MAGI2: variants seen among roughly 807,000 people sequenced by gnomAD.
The protein encoded by MAGI2 is membrane associated guanylate kinase, WW and PDZ domain containing 2.
Under a neutral mutation model 133.3 loss-of-function variants are expected in MAGI2, and 35 were observed. The ratio of observed to expected loss-of-function variants is 0.26; its 90% CI spans 0.20 to 0.35. The LOEUF (loss-of-function observed/expected upper bound fraction) is 0.35. Among genes scored for constraint, MAGI2 ranks in the 10% least tolerant of loss-of-function variants. The pLI is 1.00. For missense variants in MAGI2, 1,636 were observed against 1,863.4 expected (o/e 0.88, Z 2.25); for synonymous variants, 729 against 710.6 (o/e 1.03, Z -0.41).
chr7:79,116,034 G>A (rs115706456), intron 1 of MAGI2, among the ~76,000 whole-genome samples: 52 of 152,016 alleles, frequency 3.4e-4, no homozygotes, highest in African/African-American at 1.2e-3. Flanking sequence ...ACTCAGCAGC[G>A]AGGCAGACAA....
intron 1 of MAGI2, among the ~76,000 whole-genome samples, chr7:79,358,991 A>G (rs929712195): frequency 6.6e-6 from 1 of 152,232 alleles, no homozygotes; most frequent in African/African-American, 2.4e-5. Flanking sequence ...AAAATTTCAC[A>G]CCTTGAATGA....
chr7:79,187,679 C>G (rs1188078309), intron 1 of MAGI2, among the ~76,000 whole-genome samples: 2 of 151,702 alleles, frequency 1.3e-5, no homozygotes, highest in Non-Finnish European at 2.9e-5. Flanking sequence ...CTCAATTTTA[C>G]TAAAAATTTT....
Position 79,219,670 on chromosome 7 carries a change from A to C in MAGI2, c.302-212464T>G, listed in dbSNP as rs1187660796. ...GACAAATGAATGAGACATATATTGAAGCTGTTTTGTGCTCATTTTTAGAAT... is the reference window on the plus strand; with the variant it reads ...GACAAATGAATGAGACATATATTGACGCTGTTTTGTGCTCATTTTTAGAAT... On this transcript the variant is annotated intron_variant, in intron 1 of 21. Transcript: ENST00000354212. Among the ~76,000 whole-genome samples the C allele has an allele frequency of 2.0e-5, 3 of 152,058 alleles. 1 individual carries two copies. Among genetic ancestry groups the C allele is most frequent in the African/African-American group, 7.3e-5 (3 of 41,318 alleles).
At chr7:78,649,222 T>TAAAA (rs1361378575) in intron 2 of MAGI2, among the ~76,000 whole-genome samples, 13,926 of 45,830 alleles carry the variant, frequency 0.3, 2,482 homozygotes, top group East Asian at 0.68. Flanking sequence ...TGACTTGTGG[T>TAAAA]AAAAAAAAAA....
chr7:78,795,144 T>A (rs965568096), intron 2 of MAGI2, among the ~76,000 whole-genome samples: 2 of 152,064 alleles, frequency 1.3e-5, no homozygotes, highest in African/African-American at 4.8e-5. Context: ...TTTGCAATGA[T>A]CTTATATTGC....
intron 6 of MAGI2, chr7:78,486,869 C>A (rs7779732): frequency 0.66 from 331,825 of 500,012 alleles, 113,162 homozygotes; most frequent in South Asian, 0.83. Flanking sequence ...AGAGGTGGCA[C>A]AATTGCCTGA....
Position 78,521,467 on chromosome 7 carries a change from C to A in MAGI2, c.717G>T (p.Arg239Ser). 2 of 1,613,936 alleles carry A rather than the reference C, an allele frequency of 1.2e-6. No homozygotes were observed. The highest frequency in any genetic ancestry group is 1.7e-6 in the Non-Finnish European group (2 of 1,179,912). ...CTACTCCATTTCCATTGACCACAGGCCTCTCTTCCTCTTCCTCCTCAGGAG... is the reference window on the plus strand; with the variant it reads ...CTACTCCATTTCCATTGACCACAGGACTCTCTTCCTCTTCCTCCTCAGGAG... ...IEPPEEEEEE[R>S]PVVNGNGVVV... The change falls in exon 4 of 22, where the codon AGG becomes AGT. Residue 239 changes from arginine (R) to serine (S), a missense_variant. Coordinates refer to ENST00000354212, the MANE Select transcript of MAGI2 (RefSeq NM_012301.4).
intron 2 of MAGI2, among the ~76,000 whole-genome samples, chr7:78,832,304 C>G (rs1001093980): frequency 6.6e-5 from 10 of 151,328 alleles, no homozygotes; most frequent in Admixed American, 5.3e-4. Flanking sequence ...ATTTTGTATT[C>G]AACTAATATT....
rs4020436 is a variant in MAGI2 at position 79,306,261 on chromosome 7, T to A, written c.301+146759A>T. Among the ~76,000 whole-genome samples, 4 of 146,754 alleles carry A rather than the reference T, an allele frequency of 2.7e-5. No homozygotes were observed. The East Asian group carries it at 5.9e-4, about 22-fold the overall frequency. The stretch of plus-strand genomic sequence containing the variant: ...ATGTATATGTATATTTTATTTATAT[T>A]TATATATATTTTATTTATATGTATA... On this transcript the variant is annotated intron_variant, in intron 1 of 21. Transcript: ENST00000354212.
chr7:78,765,441 C>T (rs940813544), intron 2 of MAGI2, among the ~76,000 whole-genome samples: 6 of 147,080 alleles, frequency 4.1e-5, no homozygotes, highest in East Asian at 2.1e-4. Context: ...CTCTGCCTCC[C>T]GGGTTCAAGC....
At chr7:78,523,001 A>G (rs914934264) in intron 3 of MAGI2, among the ~76,000 whole-genome samples, 4 of 152,162 alleles carry the variant, frequency 2.6e-5, no homozygotes, top group African/African-American at 7.2e-5. Context: ...GAAAAGCATT[A>G]TAACAGGAAA....
At chr7:78,529,737 G>C (rs1465743773) in intron 3 of MAGI2, among the ~76,000 whole-genome samples, 1 of 117,026 alleles carries the variant, frequency 8.5e-6, no homozygotes, top group Non-Finnish European at 1.6e-5. Flanking sequence ...GGCTGGTCTC[G>C]AACTCCTAGC....
intron 2 of MAGI2, chr7:79,000,354 A>C (rs2116447713): frequency 6.6e-6 from 1 of 152,346 alleles, no homozygotes; most frequent in East Asian, 1.9e-4. Flanking sequence ...GTCACAAATA[A>C]TTAGATTCAT....
intron 1 of MAGI2, among the ~76,000 whole-genome samples, chr7:79,311,039 C>A (rs1232672125): frequency 6.6e-6 from 1 of 152,094 alleles, no homozygotes; most frequent in Non-Finnish European, 1.5e-5. Context: ...CCACCCCCAA[C>A]AAATTGTTTC....
rs1179305494 is a variant in MAGI2, at chr7:78,070,154, C to CAT, written c.3706+8791_3706+8792dup. Among the ~76,000 whole-genome samples the CAT allele has an allele frequency of 3.2e-3, 374 of 118,404 alleles. 4 individuals carry two copies. Among genetic ancestry groups the CAT allele is most frequent in the Middle Eastern group, 4.1e-3 (1 of 244 alleles). The allele number at this position is 118,404 out of a possible 152,430, so 77.7% of individuals were successfully genotyped here. A position where few individuals can be genotyped will look rare whatever the true frequency, so the allele number is the denominator to read the frequency against. On this transcript the variant is annotated intron_variant, in intron 21 of 21. Coordinates refer to ENST00000354212, the MANE Select transcript of MAGI2 (RefSeq NM_012301.4). ...ATATGTGTGTGTATATATATACACA[C>CAT]ATATATATACACACACACACATATA...
intron 1 of MAGI2, among the ~76,000 whole-genome samples, chr7:79,133,868 T>C (rs1474006132): frequency 6.6e-6 from 1 of 152,192 alleles, no homozygotes; most frequent in Non-Finnish European, 1.5e-5. Flanking sequence ...CCATGCCTAG[T>C]ACTCCAGGGG....
chr7:78,230,689 A>G (rs1789878091), intron 10 of MAGI2, among the ~76,000 whole-genome samples: 1 of 152,176 alleles, frequency 6.6e-6, no homozygotes, highest in South Asian at 2.1e-4. Context: ...CTTCTGAGGA[A>G]AAAAGAGAAA....
intron 1 of MAGI2, among the ~76,000 whole-genome samples, chr7:79,090,614 C>T (rs1399073660): frequency 6.6e-6 from 1 of 152,116 alleles, no homozygotes; most frequent in Non-Finnish European, 1.5e-5. Flanking sequence ...AAATTAAGTA[C>T]ACGCAACCTA....
intron 9 of MAGI2, among the ~76,000 whole-genome samples, chr7:78,260,555 A>T (rs113286087): frequency 4.6e-5 from 7 of 152,274 alleles, no homozygotes; most frequent in African/African-American, 1.7e-4. Context: ...ATTTTATCAA[A>T]TTTTTTCTCC....
Sources: gnomAD v4.1 joint callset for allele counts (sites outside exome capture counted in the v4.1 genomes callset) on GRCh38, gnomAD v4.1.1 for gene constraint, MANE v1.5 for transcripts, NCBI Gene and HGNC (gene_info 2026-07-23, HGNC 2026-07-21) for gene names.